HDAC9: variants seen among roughly 807,000 people sequenced by gnomAD.
HDAC9 encodes histone deacetylase 9.
In HDAC9, 41 loss-of-function variants were observed where a neutral mutation model predicts 139.4. The observed-to-expected ratio is 0.29, with a 90% CI of 0.23 to 0.38. The LOEUF (loss-of-function observed/expected upper bound fraction) is 0.38, where lower values mean the gene tolerates loss of function less well. HDAC9 is among the 10% of genes least tolerant of loss of function. The probability of loss-of-function intolerance (pLI) is 1.00; values close to 1 mark genes in which losing one functional copy is unlikely to be tolerated. For synonymous variants in HDAC9, 517 were observed against 476.2 expected (o/e 1.09, Z -1.12); for missense variants, 1,147 against 1,297.0 (o/e 0.88, Z 1.78).
At chr7:18,894,859 A>G (rs1801030132) in intron 22 of HDAC9, among the ~76,000 whole-genome samples, 1 of 152,128 alleles carries the variant, frequency 6.6e-6, no homozygotes, top group Non-Finnish European at 1.5e-5. Context: ...GCTTGGGCTT[A>G]GATACAGGAG....
chr7:18,314,218 T>C (rs1290861423), intron 1 of HDAC9, among the ~76,000 whole-genome samples: 7 of 152,158 alleles, frequency 4.6e-5, no homozygotes, highest in African/African-American at 1.2e-4. Flanking sequence ...GAGGAGGCCA[T>C]TGTATTCTAG....
chr7:18,831,878 T>C (rs983495792), intron 19 of HDAC9, among the ~76,000 whole-genome samples: 3 of 152,202 alleles, frequency 2.0e-5, no homozygotes, highest in Non-Finnish European at 4.4e-5. Context: ...CTCCACAAAT[T>C]ACAGCGCCAA....
intron 1 of HDAC9, among the ~76,000 whole-genome samples, chr7:18,311,602 A>G (rs79648513): frequency 0.16 from 23,661 of 152,126 alleles, 2,349 homozygotes; most frequent in Middle Eastern, 0.23. Flanking sequence ...TGAGTGGCAA[A>G]TCCGCAGTTC....
intron 11 of HDAC9, among the ~76,000 whole-genome samples, chr7:18,649,129 C>T (rs997049829): frequency 3.3e-5 from 5 of 152,104 alleles, no homozygotes; most frequent in Admixed American, 6.5e-5. Context: ...ATTTATTTTG[C>T]GAATGCCCCA....
At chr7:18,678,657 T>A (rs1438566791) in intron 12 of HDAC9, among the ~76,000 whole-genome samples, 4 of 151,928 alleles carry the variant, frequency 2.6e-5, no homozygotes, top group Non-Finnish European at 5.9e-5. Flanking sequence ...TTTCCATTTG[T>A]CTCTGCAACA....
At chr7:18,658,129 A>C (rs1791857046) in intron 11 of HDAC9, among the ~76,000 whole-genome samples, 1 of 152,006 alleles carries the variant, frequency 6.6e-6, no homozygotes, top group Non-Finnish European at 1.5e-5. Flanking sequence ...GAGTAAACAC[A>C]AACACCCACC....
chr7:18,589,258 G>A (rs1830292016), intron 3 of HDAC9, among the ~76,000 whole-genome samples: 1 of 152,152 alleles, frequency 6.6e-6, no homozygotes. Flanking sequence ...GGGCAAGGTG[G>A]CTCACACCCG....
chr7:18,283,909 T>C (rs1797266975), intron 2 of HDAC9, among the ~76,000 whole-genome samples: 1 of 152,222 alleles, frequency 6.6e-6, no homozygotes, highest in Non-Finnish European at 1.5e-5. Context: ...AAGTTCTCCA[T>C]TTCTTTGTTT....
intron 1 of HDAC9, among the ~76,000 whole-genome samples, chr7:18,426,581 A>G (rs1790136651): frequency 1.3e-5 from 2 of 152,228 alleles, no homozygotes. Flanking sequence ...TGTATTCAGC[A>G]TCTTCAAAGA....
intron 2 of HDAC9, among the ~76,000 whole-genome samples, chr7:18,202,767 T>C (rs912182872): frequency 1.3e-5 from 2 of 152,204 alleles, no homozygotes; most frequent in East Asian, 1.9e-4. Context: ...GTATCTGTTA[T>C]AGTGGAACCT....
intron 1 of HDAC9, among the ~76,000 whole-genome samples, chr7:18,143,321 A>G (rs1242238198): frequency 1.3e-5 from 2 of 152,230 alleles, no homozygotes; most frequent in Non-Finnish European, 2.9e-5. Context: ...AACTGACTAC[A>G]TTAAGACATT....
At chr7:18,146,811 C>T (rs985151142) in intron 1 of HDAC9, among the ~76,000 whole-genome samples, 1 of 152,140 alleles carries the variant, frequency 6.6e-6, no homozygotes, top group Admixed American at 6.5e-5. Flanking sequence ...AAAACCCCCT[C>T]ATTTTTAACA....
At chr7:18,802,283 A>T (rs886735262) in intron 17 of HDAC9, among the ~76,000 whole-genome samples, 2 of 151,898 alleles carry the variant, frequency 1.3e-5, no homozygotes, top group African/African-American at 4.8e-5. Flanking sequence ...AGTGTATTAA[A>T]TGTGTATTTT....
intron 25 of HDAC9, among the ~76,000 whole-genome samples, chr7:18,982,517 T>A (rs979630832): frequency 6.6e-6 from 1 of 152,120 alleles, no homozygotes; most frequent in African/African-American, 2.4e-5. Context: ...ATCTTACATA[T>A]AATAACATGC....
intron 11 of HDAC9, among the ~76,000 whole-genome samples, chr7:18,651,933 A>C (rs892218106): frequency 2.6e-5 from 4 of 152,120 alleles, no homozygotes; most frequent in African/African-American, 4.8e-5. Context: ...GCTGGGCTGG[A>C]GAGGAAACCC....
At chr7:18,615,747 G>C (rs1838402097) in intron 6 of HDAC9, among the ~76,000 whole-genome samples, 1 of 152,092 alleles carries the variant, frequency 6.6e-6, no homozygotes, top group African/African-American at 2.4e-5. Context: ...ATCTGATCTA[G>C]TCAGAACCAG....
chr7:18,829,312 T>C, intron 18 of HDAC9, 96 bp downstream of exon 18: 1 of 1,187,076 alleles, frequency 8.4e-7, no homozygotes, highest in Admixed American at 1.7e-5. Flanking sequence ...TGTTAGCAGA[T>C]GGACTGAAAA....
chr7:18,674,891 C>A (rs559469676), intron 12 of HDAC9, among the ~76,000 whole-genome samples: 1 of 151,846 alleles, frequency 6.6e-6, no homozygotes, highest in Admixed American at 6.6e-5. Context: ...TATTATTTAA[C>A]AGTACTCACA....
chr7:18,273,055 C>CTTTTTTTTTTTTTTTTTT (rs1491175072), intron 2 of HDAC9, among the ~76,000 whole-genome samples: 2 of 68,236 alleles, frequency 2.9e-5, no homozygotes, highest in African/African-American at 6.4e-5. Flanking sequence ...TCCCCTTCTT[C>CTTTTTTTTTTTTTTTTTT]GTTTTTTTTT....
Sources: gnomAD v4.1 joint callset for allele counts (sites outside exome capture counted in the v4.1 genomes callset) on GRCh38, gnomAD v4.1.1 for gene constraint, MANE v1.5 for transcripts, NCBI Gene and HGNC (gene_info 2026-07-23, HGNC 2026-07-21) for gene names.